AGPAT4: variants seen among roughly 807,000 people sequenced by gnomAD.
AGPAT4 encodes the protein 1-acyl-sn-glycerol-3-phosphate acyltransferase delta.
A neutral mutation model predicts 48.0 loss-of-function variants in AGPAT4; 15 were observed. The observed-to-expected ratio is 0.31, with a 90% CI of 0.21 to 0.48. The LOEUF (loss-of-function observed/expected upper bound fraction) is 0.48. AGPAT4 is among the 20% of genes least tolerant of loss of function. AGPAT4 has a pLI of 0.99. For missense variants in AGPAT4, 314 were observed against 482.5 expected (o/e 0.65, Z 3.27); for synonymous variants, 178 against 198.7 (o/e 0.90, Z 0.88).
chr6:161,252,626 T>G (rs930622617), intron 1 of AGPAT4, among the ~76,000 whole-genome samples: 1 of 104,488 alleles, frequency 9.6e-6, no homozygotes, highest in Non-Finnish European at 2.0e-5. Context: ...AGTTGGAGAT[T>G]GGTCTCGGCA....
Position 161,261,864 on chromosome 6 carries a change from C to A in AGPAT4, c.-90+12074G>T, listed in dbSNP as rs1036390971. ...CCAAAGAGGCTGGAGAGTGAACAGGCATTGACCTTCACACCTGGGTAGGGG... is the reference window on the plus strand; with the variant it reads ...CCAAAGAGGCTGGAGAGTGAACAGGAATTGACCTTCACACCTGGGTAGGGG... On this transcript the variant is annotated intron_variant, in intron 1 of 8. Coordinates refer to ENST00000320285, the MANE Select transcript of AGPAT4 (RefSeq NM_020133.3). The surrounding 1 kb of genome is among the most constrained non-coding windows in gnomAD (Gnocchi z 5.3). Among the ~76,000 whole-genome samples the A allele has an allele frequency of 1.3e-5, 2 of 152,194 alleles. No homozygotes were observed. The highest frequency in any genetic ancestry group is 4.1e-4 in the South Asian group (2 of 4,838).
chr6:161,176,959 C>T (rs375816159), intron 2 of AGPAT4, among the ~76,000 whole-genome samples: 8 of 152,062 alleles, frequency 5.3e-5, no homozygotes, highest in Non-Finnish European at 4.4e-5. Context: ...TAAGAATGTT[C>T]AATATTGGCC....
At position 161,132,950 on chromosome 6, in the gene AGPAT4, T is replaced by A. The variant is rs1778949636; in HGVS notation, c.*3590A>T. The A allele has an allele frequency of 6.6e-6, 1 of 152,214 alleles. No individual in the cohort carries two copies. Among genetic ancestry groups the A allele is most frequent in the Admixed American group, 6.5e-5 (1 of 15,280 alleles). 9.4% of individuals were successfully genotyped at this position (152,214 alleles called of 1,614,324 possible). ...AGCTCACAAATATTCCTCTAAATATTCCTCCATACAGCCTAGGGCCCCTCA... is the reference window on the plus strand; with the variant it reads ...AGCTCACAAATATTCCTCTAAATATACCTCCATACAGCCTAGGGCCCCTCA... On this transcript the variant is annotated 3_prime_UTR_variant, in exon 9 of 9. Coordinates refer to ENST00000320285, the MANE Select transcript of AGPAT4 (RefSeq NM_020133.3).
At chr6:161,157,866 G>GT (rs976424035) in intron 3 of AGPAT4, among the ~76,000 whole-genome samples, 1 of 152,188 alleles carries the variant, frequency 6.6e-6, no homozygotes, top group Non-Finnish European at 1.5e-5. Flanking sequence ...ACCCAGCTGT[G>GT]TAACTGTGCT....
intron 1 of AGPAT4, among the ~76,000 whole-genome samples, chr6:161,273,528 T>A (rs1043657981): frequency 5.3e-5 from 8 of 152,234 alleles, no homozygotes; most frequent in African/African-American, 1.4e-4. Flanking sequence ...ACATGTTGCA[T>A]GACACAAAAG....
rs1038462919 is a variant in AGPAT4 at position 161,243,416 on chromosome 6, C to T, written c.-89-11114G>A. The stretch of plus-strand genomic sequence containing the variant: ...TCTACCCCCACCGTCACCAAGGCAA[C>T]GTGGTCAGGACTGGCAGCTCACGTC... On this transcript the variant is annotated intron_variant, in intron 1 of 8. Transcript: ENST00000320285. This position sits in a 1 kb window ranked among gnomAD's most constrained non-coding sequence, Gnocchi z 4.8. Among the ~76,000 whole-genome samples, 2 of 152,318 alleles carry T rather than the reference C, an allele frequency of 1.3e-5. No homozygotes were observed. Among genetic ancestry groups the T allele is most frequent in the African/African-American group, 4.8e-5 (2 of 41,576 alleles).
rs942005829 is a variant in AGPAT4, at chr6:161,225,650, G to A, written c.178+6386C>T. ...TCACTGGTGGAAGCAGAGGGATCTCGTGATGTGGAGCCGTCAGGGTGTGTG... is the reference window on the plus strand; with the variant it reads ...TCACTGGTGGAAGCAGAGGGATCTCATGATGTGGAGCCGTCAGGGTGTGTG... On this transcript the variant is annotated intron_variant, in intron 2 of 8. Transcript: ENST00000320285. This position sits in a 1 kb window ranked among gnomAD's most constrained non-coding sequence, Gnocchi z 5.0. Among the ~76,000 whole-genome samples, 2 of 152,314 alleles carry A rather than the reference G, an allele frequency of 1.3e-5. No homozygotes were observed. Among genetic ancestry groups the A allele is most frequent in the Admixed American group, 6.5e-5 (1 of 15,306 alleles).
intron 1 of AGPAT4, among the ~76,000 whole-genome samples, chr6:161,260,864 G>A (rs1485298407): frequency 6.6e-6 from 1 of 152,008 alleles, no homozygotes; most frequent in African/African-American, 2.4e-5. Context: ...ATTCCGGCCT[G>A]GGTGACAAAG....
intron 1 of AGPAT4, among the ~76,000 whole-genome samples, chr6:161,268,562 G>A (rs143341383): frequency 4.0e-4 from 61 of 152,210 alleles, no homozygotes; most frequent in African/African-American, 1.4e-3. Flanking sequence ...TGCACCTCTC[G>A]TCTTGGAGGA....
Position 161,225,453 on chromosome 6 carries a change from T to TA in AGPAT4, c.178+6582dup, listed in dbSNP as rs1216234399. On this transcript the variant is annotated intron_variant, in intron 2 of 8. Transcript: ENST00000320285. This position sits in a 1 kb window ranked among gnomAD's most constrained non-coding sequence, Gnocchi z 5.0. ...AGAAGTAACTTGCCTTGCTGAGAAT[T>TA]AAAAAGAAAATTTTATATTCGAGTG... 6.6e-5 allele frequency among the ~76,000 whole-genome samples: 10 copies of TA among 152,204 alleles called. No individual in the cohort carries two copies. The highest frequency in any genetic ancestry group is 1.5e-4 in the Non-Finnish European group (10 of 68,040).
rs1369967722 is a variant in AGPAT4 at position 161,236,778 on chromosome 6, T to G, written c.-89-4476A>C. Among the ~76,000 whole-genome samples the G allele has an allele frequency of 6.6e-6, 1 of 151,318 alleles. No homozygotes were observed. Among genetic ancestry groups the G allele is most frequent in the Non-Finnish European group, 1.5e-5 (1 of 67,868 alleles). On this transcript the variant is annotated intron_variant, in intron 1 of 8. Coordinates refer to ENST00000320285, the MANE Select transcript of AGPAT4 (RefSeq NM_020133.3). The surrounding 1 kb of genome is among the most constrained non-coding windows in gnomAD (Gnocchi z 5.0). Reference sequence around the variant, plus strand: ...ATAGCTGGATGTGGTGGTGGGTGTCTGTAATCCCAGCTACTCGGGAGGCTG... The same window carrying G: ...ATAGCTGGATGTGGTGGTGGGTGTCGGTAATCCCAGCTACTCGGGAGGCTG...
intron 2 of AGPAT4, among the ~76,000 whole-genome samples, chr6:161,186,106 A>G (rs552036076): frequency 6.6e-6 from 1 of 152,262 alleles, no homozygotes; most frequent in South Asian, 2.1e-4. Flanking sequence ...GCTGCAGAGC[A>G]GTCAAGCCAC....
rs533950134 is a variant in AGPAT4, at chr6:161,136,401, C to T, written c.*139G>A. The T allele has an allele frequency of 7.5e-4, 518 of 686,168 alleles. No individual in the cohort carries two copies. Among genetic ancestry groups the T allele is most frequent in the Non-Finnish European group, 1.1e-3 (423 of 395,738 alleles). 42.5% of individuals were successfully genotyped at this position (686,168 alleles called of 1,614,324 possible). ...CTCCCCATCCGGCCTTGAGACCAGA[C>T]TCCCTGGCTGGAGAGGTCGTGACTT... On this transcript the variant is annotated 3_prime_UTR_variant, in exon 9 of 9. Coordinates refer to ENST00000320285, the MANE Select transcript of AGPAT4 (RefSeq NM_020133.3).
chr6:161,268,841 G>A (rs866984970), intron 1 of AGPAT4, among the ~76,000 whole-genome samples: 1 of 152,236 alleles, frequency 6.6e-6, no homozygotes. Flanking sequence ...CTACTAAGAA[G>A]AGTTTCATGA....
Position 161,243,569 on chromosome 6 carries a change from G to A in AGPAT4, c.-89-11267C>T, listed in dbSNP as rs1782561854. 6.6e-6 allele frequency among the ~76,000 whole-genome samples: 1 copy of A among 152,140 alleles called. No homozygotes were observed. The highest frequency in any genetic ancestry group is 1.5e-5 in the Non-Finnish European group (1 of 68,034). ...TTATGCTCTCTGAGCCTCCGGGTCTGTATCTGCTAATGGAGGTGAAATTCC... is the reference window on the plus strand; with the variant it reads ...TTATGCTCTCTGAGCCTCCGGGTCTATATCTGCTAATGGAGGTGAAATTCC... On this transcript the variant is annotated intron_variant, in intron 1 of 8. Coordinates refer to ENST00000320285, the MANE Select transcript of AGPAT4 (RefSeq NM_020133.3). The surrounding 1 kb of genome is among the most constrained non-coding windows in gnomAD (Gnocchi z 4.8).
rs1782151194 is a variant in AGPAT4, at chr6:161,232,621, A to T, written c.-89-319T>A. On this transcript the variant is annotated intron_variant, in intron 1 of 8. Transcript: ENST00000320285. The surrounding 1 kb of genome is among the most constrained non-coding windows in gnomAD (Gnocchi z 6.8). Reference sequence around the variant, plus strand: ...TCCCCAGCTGGGCAGCAGCTGAGCCAGCCACGGAGCCCTGGGTCCCACTTG... The same window carrying T: ...TCCCCAGCTGGGCAGCAGCTGAGCCTGCCACGGAGCCCTGGGTCCCACTTG... Among the ~76,000 whole-genome samples, 1 of 152,174 alleles carries T rather than the reference A, an allele frequency of 6.6e-6. No homozygotes were observed. Among genetic ancestry groups the T allele is most frequent in the African/African-American group, 2.4e-5 (1 of 41,448 alleles).
rs1780869690 is a variant in AGPAT4 at position 161,189,757 on chromosome 6, A to T, written c.179-23340T>A. ...CGCCCTCCTAACCCCTCTCTCCTCC[A>T]CCCAAAAAAGGGCTGAATGCCAACC... On this transcript the variant is annotated intron_variant, in intron 2 of 8. Coordinates refer to ENST00000320285, the MANE Select transcript of AGPAT4 (RefSeq NM_020133.3). This position sits in a 1 kb window ranked among gnomAD's most constrained non-coding sequence, Gnocchi z 5.3. Among the ~76,000 whole-genome samples, 1 of 151,526 alleles carries T rather than the reference A, an allele frequency of 6.6e-6. No individual in the cohort carries two copies. Among genetic ancestry groups the T allele is most frequent in the Non-Finnish European group, 1.5e-5 (1 of 67,910 alleles).
In AGPAT4 at chr6:161,138,382, A is replaced by T. The variant is rs1277042339; in HGVS notation, c.1042+1040T>A. ...TTGGCTCAGTCAGAATGAATGAGCT[A>T]GGTTTATGTGCTGTGACCTGTTTTG... On this transcript the variant is annotated intron_variant, in intron 8 of 8. Transcript: ENST00000320285. The surrounding 1 kb of genome is among the most constrained non-coding windows in gnomAD (Gnocchi z 4.8). Among the ~76,000 whole-genome samples, 1 of 152,214 alleles carries T rather than the reference A, an allele frequency of 6.6e-6. No individual in the cohort carries two copies. The highest frequency in any genetic ancestry group is 2.4e-5 in the African/African-American group (1 of 41,464).
At chr6:161,175,706 C>G (rs956112278) in intron 2 of AGPAT4, among the ~76,000 whole-genome samples, 12 of 152,098 alleles carry the variant, frequency 7.9e-5, no homozygotes, top group African/African-American at 2.9e-4. Context: ...TCTTGCTTCT[C>G]TAGTTCTTTT....
Sources: gnomAD v4.1 joint callset for allele counts (sites outside exome capture counted in the v4.1 genomes callset) on GRCh38, gnomAD v4.1.1 for gene constraint, Gnocchi (gnomAD v3.1) non-coding constraint, MANE v1.5 for transcripts, NCBI Gene and HGNC (gene_info 2026-07-23, HGNC 2026-07-21) for gene names.